EML5: variants seen among roughly 807,000 people sequenced by gnomAD.
The protein encoded by EML5 is echinoderm microtubule-associated protein-like 5.
Under a neutral mutation model 250.0 loss-of-function variants are expected in EML5, and 120 were observed. The observed-to-expected ratio is 0.48, with a 90% CI of 0.41 to 0.56. EML5 has a LOEUF of 0.56. Among genes scored for constraint, EML5 ranks in the 20% least tolerant of loss-of-function variants. The pLI is 0.00. For synonymous variants in EML5, 771 were observed against 806.5 expected, an observed-to-expected ratio of 0.96 and a Z score of 0.75; for missense variants, 2,006 against 2,437.6, an observed-to-expected ratio of 0.82 and a Z score of 3.73.
intron 14 of EML5, among the ~76,000 whole-genome samples, chr14:88,697,287 G>T (rs1324892424): frequency 6.6e-6 from 1 of 152,076 alleles, no homozygotes; most frequent in Admixed American, 6.6e-5. Context: ...GGTAACTTTT[G>T]CAAACTCACT....
At chr14:88,656,943 C>G (rs975698907) in intron 27 of EML5, among the ~76,000 whole-genome samples, 2 of 152,132 alleles carry the variant, frequency 1.3e-5, no homozygotes, top group Admixed American at 6.6e-5. Context: ...GTATAAATCC[C>G]TAAACCAATA....
intron 7 of EML5, among the ~76,000 whole-genome samples, chr14:88,727,919 T>C (rs751456917): frequency 5.9e-5 from 9 of 152,176 alleles, no homozygotes; most frequent in Non-Finnish European, 1.2e-4. Flanking sequence ...ATACCCATTG[T>C]TTGAAAATTA....
chr14:88,746,097 A>G, intron 3 of EML5, 88 bp downstream of exon 3: 1 of 1,072,564 alleles, frequency 9.3e-7, no homozygotes. Context: ...TCTGGCAATA[A>G]CAAAATACAG....
intron 1 of EML5, among the ~76,000 whole-genome samples, chr14:88,759,373 A>C (rs1333951638): frequency 1.3e-5 from 2 of 152,078 alleles, no homozygotes; most frequent in Non-Finnish European, 2.9e-5. Context: ...ATATGAGGGA[A>C]ATTTCCCCAA....
chr14:88,714,164 A>C (rs572776465), intron 9 of EML5, among the ~76,000 whole-genome samples: 64 of 152,248 alleles, frequency 4.2e-4, no homozygotes, highest in Non-Finnish European at 7.5e-4. Flanking sequence ...GATAAACACA[A>C]AAAAAATGTA....
At chr14:88,775,922 A>AGG (rs1158730675) in intron 1 of EML5, among the ~76,000 whole-genome samples, 1 of 151,222 alleles carries the variant, frequency 6.6e-6, no homozygotes, top group Non-Finnish European at 1.5e-5. Flanking sequence ...AGAGAGAGAG[A>AGG]GACTCCATTT....
At chr14:88,748,765 G>T (rs2094045665) in intron 2 of EML5, among the ~76,000 whole-genome samples, 1 of 151,780 alleles carries the variant, frequency 6.6e-6, no homozygotes, top group South Asian at 2.1e-4. Context: ...GAACAACACA[G>T]AAAACTGTTA....
intron 41 of EML5, chr14:88,617,487 G>C (rs1229105299): frequency 6.6e-6 from 1 of 152,314 alleles, no homozygotes; most frequent in East Asian, 1.9e-4. Flanking sequence ...AGTGCTACTT[G>C]GCTGGGTCCA....
chr14:88,691,167 G>T (rs1357610017), intron 17 of EML5, among the ~76,000 whole-genome samples: 1 of 152,094 alleles, frequency 6.6e-6, no homozygotes, highest in African/African-American at 2.4e-5. Flanking sequence ...CAGAAGGTTG[G>T]GCTCTCCAGG....
intron 21 of EML5, among the ~76,000 whole-genome samples, chr14:88,674,412 C>A (rs139755648): frequency 4.6e-5 from 7 of 152,162 alleles, no homozygotes; most frequent in Admixed American, 1.3e-4. Flanking sequence ...GAGAAGCAGG[C>A]ACCTTCTTCA....
chr14:88,706,470 C>T (rs894220459), intron 10 of EML5, 44 bp from the exon 11 acceptor site: 10 of 1,362,950 alleles, frequency 7.3e-6, no homozygotes, highest in African/African-American at 1.5e-5. Flanking sequence ...AAATGCTAAA[C>T]AAAATACCAT....
At chr14:88,764,406 T>C (rs945200760) in intron 1 of EML5, among the ~76,000 whole-genome samples, 4 of 152,202 alleles carry the variant, frequency 2.6e-5, no homozygotes, top group Admixed American at 2.6e-4. Flanking sequence ...TATAAGTTGT[T>C]TATAGTAATC....
intron 6 of EML5, among the ~76,000 whole-genome samples, chr14:88,738,362 G>GTAAAAGGTTTTATATAGTAAAC (rs2093876552): frequency 6.6e-6 from 1 of 151,420 alleles, no homozygotes. Flanking sequence ...CCTGTGGGTA[G>GTAAAAGGTTTTATATAGTAAAC]CTTTTATAGT....
At chr14:88,717,025 A>G (rs2093506910) in intron 8 of EML5, among the ~76,000 whole-genome samples, 1 of 152,236 alleles carries the variant, frequency 6.6e-6, no homozygotes, top group Non-Finnish European at 1.5e-5. Context: ...ATACTCATAC[A>G]TGAACAGTTC....
At chr14:88,767,263 A>C (rs917204407) in intron 1 of EML5, among the ~76,000 whole-genome samples, 13 of 152,228 alleles carry the variant, frequency 8.5e-5, no homozygotes, top group Admixed American at 3.3e-4. Flanking sequence ...CCAAAGGGGC[A>C]AATCTGAAAC....
At chr14:88,627,427 T>G in intron 34 of EML5, 1 of 518,600 alleles carries the variant, frequency 1.9e-6, no homozygotes, top group East Asian at 3.2e-5. Context: ...TTTATAATGC[T>G]AATAATGGTT....
chr14:88,734,528 A>C (rs2093810260), intron 7 of EML5, among the ~76,000 whole-genome samples: 1 of 152,130 alleles, frequency 6.6e-6, no homozygotes, highest in African/African-American at 2.4e-5. Flanking sequence ...TGTGGTCTTA[A>C]AATTTCAAAG....
At chr14:88,624,040 G>GTAC (rs1273226447) in intron 36 of EML5, 3 of 152,212 alleles carry the variant, frequency 2.0e-5, no homozygotes, top group Admixed American at 2.0e-4. Context: ...GTATTGAAAT[G>GTAC]TACTTCTTAG....
intron 8 of EML5, among the ~76,000 whole-genome samples, chr14:88,716,173 C>T (rs552623708): frequency 6.6e-4 from 101 of 152,276 alleles, no homozygotes; most frequent in African/African-American, 2.4e-3. Context: ...GTATTTGAGT[C>T]ACTATACAGC....
Sources: allele counts gnomAD v4.1 joint callset (sites outside exome capture counted in the v4.1 genomes callset), GRCh38; gene constraint gnomAD v4.1.1; transcripts MANE v1.5; gene names NCBI Gene and HGNC (gene_info 2026-07-23, HGNC 2026-07-21).